DNAJC1: variants seen among roughly 807,000 people sequenced by gnomAD.
DNAJC1 encodes dnaJ homolog subfamily C member 1.
Under a neutral mutation model 76.6 loss-of-function variants are expected in DNAJC1, and 58 were observed. The observed-to-expected ratio is 0.76, with a 90% CI of 0.61 to 0.94. The LOEUF is 0.94. Among genes scored for constraint, DNAJC1 ranks in the 40% least tolerant of loss-of-function variants. The pLI, the probability that DNAJC1 is intolerant of heterozygous loss-of-function variation, is 0.00. For missense variants in DNAJC1, 689 were observed against 677.3 expected (o/e 1.02, Z -0.19); for synonymous variants, 258 against 267.9 (o/e 0.96, Z 0.36).
intron 1 of DNAJC1, among the ~76,000 whole-genome samples, chr10:21,968,461 A>G (rs1837925237): frequency 6.6e-6 from 1 of 151,900 alleles, no homozygotes; most frequent in African/African-American, 2.4e-5. Flanking sequence ...TTTAAAAGTG[A>G]GTATTTTCTC....
rs542989918 is a variant in DNAJC1, at chr10:21,850,003, GC to G, written c.978+32278del. Among the ~76,000 whole-genome samples, 337 of 152,230 alleles carry G rather than the reference GC, an allele frequency of 2.2e-3. 3 individuals are homozygous for G. The highest frequency in any genetic ancestry group is 7.7e-3 in the African/African-American group (321 of 41,560). On this transcript the variant is annotated intron_variant, in intron 8 of 11. Coordinates refer to ENST00000376980, the MANE Select transcript of DNAJC1 (RefSeq NM_022365.4). ...AGAGGTCATTTGTGGAGAAACCATAGCTAACATCATACTCAATGGTAAAAGA... is the reference window on the plus strand; with the variant it reads ...AGAGGTCATTTGTGGAGAAACCATAGTAACATCATACTCAATGGTAAAAGA...
chr10:21,946,195 C>T (rs1365385804), intron 1 of DNAJC1, among the ~76,000 whole-genome samples: 1 of 151,588 alleles, frequency 6.6e-6, no homozygotes. Context: ...TGTGTGCCAC[C>T]ACGCCCAACT....
intron 9 of DNAJC1, among the ~76,000 whole-genome samples, chr10:21,795,836 C>A (rs1319980476): frequency 6.6e-6 from 1 of 152,074 alleles, no homozygotes; most frequent in African/African-American, 2.4e-5. Flanking sequence ...TTTTTTGCTT[C>A]TGTGAATCTG....
chr10:21,999,735 G>A (rs977958786), intron 1 of DNAJC1, among the ~76,000 whole-genome samples: 1 of 152,160 alleles, frequency 6.6e-6, no homozygotes, highest in Admixed American at 6.5e-5. Context: ...TTACAGGCGT[G>A]AGCCACCACA....
rs182610399 is a variant in DNAJC1, at chr10:21,815,818, G to A, written c.979-9719C>T. Among the ~76,000 whole-genome samples the A allele has an allele frequency of 2.4e-3, 358 of 151,346 alleles. 3 individuals are homozygous for A. The highest frequency in any genetic ancestry group is 8.0e-3 in the African/African-American group (330 of 41,268). ...TGGAGGGCAGTGGTGTGAACTTGGC[G>A]CACTACAACCTCTGCCTCCCAGGTT... On this transcript the variant is annotated intron_variant, in intron 8 of 11. Transcript: ENST00000376980.
intron 8 of DNAJC1, among the ~76,000 whole-genome samples, chr10:21,863,207 C>T (rs926944901): frequency 6.6e-6 from 1 of 151,766 alleles, no homozygotes. Flanking sequence ...ATCAATGACA[C>T]ACAAAACTGA....
In DNAJC1 at chr10:21,820,434, A is replaced by G. The variant is rs546314384; in HGVS notation, c.979-14335T>C. ...TATGTTTTATCTCTCTTGGGTATAC[A>G]CCTGGGAAAACTTTCAAACTGTGTT... On this transcript the variant is annotated intron_variant, in intron 8 of 11. Coordinates refer to ENST00000376980, the MANE Select transcript of DNAJC1 (RefSeq NM_022365.4). Among the ~76,000 whole-genome samples the G allele has an allele frequency of 3.3e-5, 5 of 152,346 alleles. No individual in the cohort carries two copies. The South Asian group carries it at 1.0e-3, about 32-fold the overall frequency.
chr10:21,882,242 A>T, intron 8 of DNAJC1, 40 bp downstream of exon 8: 1 of 1,558,254 alleles, frequency 6.4e-7, no homozygotes, highest in Non-Finnish European at 8.7e-7. Flanking sequence ...GCTTTTCTGT[A>T]CATGTTTTAC....
At chr10:21,972,865 G>T (rs1017054113) in intron 1 of DNAJC1, among the ~76,000 whole-genome samples, 1 of 151,948 alleles carries the variant, frequency 6.6e-6, no homozygotes, top group Non-Finnish European at 1.5e-5. Context: ...AATAGAACCA[G>T]AGAACCTAAA....
intron 3 of DNAJC1, among the ~76,000 whole-genome samples, chr10:21,922,424 C>G (rs565415117): frequency 2.4e-4 from 37 of 151,898 alleles, no homozygotes; most frequent in African/African-American, 8.7e-4. Flanking sequence ...ATGTTGAAAG[C>G]AAAGGACATT....
intron 6 of DNAJC1, among the ~76,000 whole-genome samples, chr10:21,907,837 G>A (rs1262926482): frequency 1.2e-4 from 18 of 150,168 alleles, no homozygotes; most frequent in African/African-American, 4.4e-4. Flanking sequence ...AATTAGCCAG[G>A]TGTGGTGGCA....
intron 8 of DNAJC1, among the ~76,000 whole-genome samples, chr10:21,816,997 AC>A (rs887224403): frequency 2.7e-5 from 4 of 147,934 alleles, no homozygotes; most frequent in Non-Finnish European, 6.0e-5. Flanking sequence ...TACTAAAAAT[AC>A]AAAAAAAAAA....
intron 9 of DNAJC1, among the ~76,000 whole-genome samples, chr10:21,781,355 C>A (rs1446515525): frequency 1.3e-5 from 2 of 152,154 alleles, no homozygotes; most frequent in Non-Finnish European, 2.9e-5. Flanking sequence ...CACTCCTCAG[C>A]AAATGTAAAA....
intron 8 of DNAJC1, among the ~76,000 whole-genome samples, chr10:21,835,794 C>T (rs187688125): frequency 1.2e-4 from 18 of 152,094 alleles, no homozygotes; most frequent in East Asian, 1.9e-4. Context: ...TGAAAAGAAA[C>T]GAACAAAGCC....
chr10:21,954,203 A>G (rs1325816805), intron 1 of DNAJC1, among the ~76,000 whole-genome samples: 6 of 152,222 alleles, frequency 3.9e-5, no homozygotes, highest in Admixed American at 2.0e-4. Flanking sequence ...ATAATACTTT[A>G]TAAAAAGAGG....
chr10:21,875,005 C>T (rs1251331362), intron 8 of DNAJC1, among the ~76,000 whole-genome samples: 3 of 151,986 alleles, frequency 2.0e-5, no homozygotes, highest in Non-Finnish European at 4.4e-5. Context: ...CTCAGCATCC[C>T]AAGTAGCTGG....
At chr10:21,974,760 G>A (rs1023965603) in intron 1 of DNAJC1, among the ~76,000 whole-genome samples, 1 of 151,794 alleles carries the variant, frequency 6.6e-6, no homozygotes, top group Admixed American at 6.6e-5. Flanking sequence ...GTTTAAAATG[G>A]AGAAAAAACG....
intron 8 of DNAJC1, chr10:21,865,492 T>C (rs1199171638): frequency 6.6e-6 from 1 of 152,148 alleles, no homozygotes; most frequent in South Asian, 2.1e-4. Flanking sequence ...TGTATGATTA[T>C]ACATAATATG....
intron 7 of DNAJC1, among the ~76,000 whole-genome samples, chr10:21,902,764 C>T (rs1444108160): frequency 1.3e-5 from 2 of 152,094 alleles, no homozygotes; most frequent in African/African-American, 4.8e-5. Flanking sequence ...AGTGTATATA[C>T]TTAGTCTTGT....
Sources: gnomAD v4.1 joint callset for allele counts (sites outside exome capture counted in the v4.1 genomes callset) on GRCh38, gnomAD v4.1.1 for gene constraint, MANE v1.5 for transcripts, NCBI Gene and HGNC (gene_info 2026-07-23, HGNC 2026-07-21) for gene names.